The following STK32B variants were observed in gnomAD, a reference collection of about 807,000 sequenced individuals.
STK32B encodes serine/threonine-protein kinase 32B.
A neutral mutation model predicts 52.6 loss-of-function variants in STK32B; 43 were observed. That is an observed-to-expected ratio of 0.82 (90% CI 0.64 to 1.05). The LOEUF (loss-of-function observed/expected upper bound fraction) is 1.05. STK32B is among the 50% of genes least tolerant of loss of function. The pLI, the probability that STK32B is intolerant of heterozygous loss-of-function variation, is 0.00. For synonymous variants in STK32B, 238 were observed against 204.3 expected (o/e 1.17, Z -1.41); for missense variants, 621 against 534.6 (o/e 1.16, Z -1.59).
At chr4:5,452,563 AG>A (rs1168132825) in intron 7 of STK32B, among the ~76,000 whole-genome samples, 1 of 152,150 alleles carries the variant, frequency 6.6e-6, no homozygotes, top group East Asian at 1.9e-4. Context: ...TTCCAGGGGC[AG>A]GGAAAGTGTT....
chr4:5,398,350 T>G lies in STK32B; in HGVS notation c.472+106T>G. Reference sequence around the variant, plus strand: ...GGTCTTGCTGAGTTGGACATTAGCATTGGCTAGAAACCTTCTCTTGTTTCA... The same window carrying G: ...GGTCTTGCTGAGTTGGACATTAGCAGTGGCTAGAAACCTTCTCTTGTTTCA... On this transcript the variant is annotated intron_variant, in intron 5 of 11. Coordinates refer to ENST00000282908, the MANE Select transcript of STK32B (RefSeq NM_018401.3). This position sits in a 1 kb window ranked among gnomAD's most constrained non-coding sequence, Gnocchi z 4.9. 8.4e-7 allele frequency: 1 copy of G among 1,188,652 alleles called. No homozygotes were observed. Among genetic ancestry groups the G allele is most frequent in the Admixed American group, 1.9e-5 (1 of 51,788 alleles). The allele number at this position is 1,188,652 out of a possible 1,614,324, so 73.6% of individuals were successfully genotyped here. A position where few individuals can be genotyped will look rare whatever the true frequency, so the allele number is the denominator to read the frequency against.
At chr4:5,048,253 C>T (rs1741655163), upstream of STK32B, among the ~76,000 whole-genome samples, 1 of 151,574 alleles carries the variant, frequency 6.6e-6, no homozygotes, top group Admixed American at 6.6e-5. Flanking sequence ...CCTCAGCCTC[C>T]TGAGTAGCTG....
At chr4:5,241,840 C>G (rs1054767398) in intron 3 of STK32B, among the ~76,000 whole-genome samples, 2 of 152,072 alleles carry the variant, frequency 1.3e-5, no homozygotes, top group Non-Finnish European at 2.9e-5. Context: ...GGTTTTTTGT[C>G]CTCGCGATAG....
intron 7 of STK32B, among the ~76,000 whole-genome samples, chr4:5,449,652 G>T (rs1243082963): frequency 6.6e-6 from 1 of 152,144 alleles, no homozygotes; most frequent in Non-Finnish European, 1.5e-5. Context: ...TGGCAAGTGA[G>T]CCAGGGAAGC....
chr4:5,344,485 T>C (rs1490857848), intron 4 of STK32B, among the ~76,000 whole-genome samples: 1 of 152,176 alleles, frequency 6.6e-6, no homozygotes, highest in Non-Finnish European at 1.5e-5. Context: ...ACTCACTTCA[T>C]CAGACTCACA....
chr4:5,158,857 C>G (rs770275721), intron 2 of STK32B, among the ~76,000 whole-genome samples: 1 of 152,184 alleles, frequency 6.6e-6, no homozygotes, highest in East Asian at 1.9e-4. Context: ...TTAATTACCT[C>G]TTTAAAGCCT....
intron 4 of STK32B, among the ~76,000 whole-genome samples, chr4:5,357,018 T>TACACACACACACACAC (rs754199241): frequency 6.6e-6 from 1 of 150,376 alleles, no homozygotes; most frequent in East Asian, 1.9e-4. Context: ...TATATATATA[T>TACACACACACACACAC]ATATACACAC....
At chr4:5,436,695 T>C (rs1424332775) in intron 6 of STK32B, 7 of 982,314 alleles carry the variant, frequency 7.1e-6, no homozygotes, top group Non-Finnish European at 8.5e-6. Context: ...TCACGCAGAA[T>C]TGGCAGCTGA....
At chr4:5,251,797 G>T (rs1409632568) in intron 3 of STK32B, among the ~76,000 whole-genome samples, 2 of 152,072 alleles carry the variant, frequency 1.3e-5, no homozygotes, top group African/African-American at 4.8e-5. Flanking sequence ...CACCTCCCTG[G>T]TTAGCTGTGT....
At chr4:5,334,585 T>C (rs562721856) in intron 4 of STK32B, among the ~76,000 whole-genome samples, 21 of 152,254 alleles carry the variant, frequency 1.4e-4, no homozygotes, top group East Asian at 5.8e-4. Context: ...CCAGTTTTTG[T>C]CCATTCAGTA....
At chr4:5,232,124 C>G (rs1478573600) in intron 3 of STK32B, among the ~76,000 whole-genome samples, 1 of 152,116 alleles carries the variant, frequency 6.6e-6, no homozygotes, top group African/African-American at 2.4e-5. Flanking sequence ...CAGGTGTGCC[C>G]TGGACCTTTT....
chr4:5,318,588 G>T (rs1208050039), intron 3 of STK32B, among the ~76,000 whole-genome samples: 2 of 152,118 alleles, frequency 1.3e-5, no homozygotes, highest in Non-Finnish European at 1.5e-5. Context: ...CATCACTGCA[G>T]TGATTTAAAT....
intron 1 of STK32B, among the ~76,000 whole-genome samples, chr4:5,094,932 A>G (rs1428230824): frequency 6.6e-6 from 1 of 152,272 alleles, no homozygotes; most frequent in Non-Finnish European, 1.5e-5. Context: ...CCCAACCTGC[A>G]TTACTGCACA....
At chr4:5,069,975 C>T (rs1711650085) in intron 1 of STK32B, among the ~76,000 whole-genome samples, 2 of 152,176 alleles carry the variant, frequency 1.3e-5, no homozygotes, top group Admixed American at 1.3e-4. Flanking sequence ...CTTCATCATA[C>T]AGTGTGCAGC....
intron 1 of STK32B, among the ~76,000 whole-genome samples, chr4:5,087,759 T>C (rs1490888786): frequency 6.6e-6 from 1 of 151,728 alleles, no homozygotes; most frequent in African/African-American, 2.4e-5. Flanking sequence ...TAATTACAAA[T>C]ATTTATGGAT....
intron 4 of STK32B, among the ~76,000 whole-genome samples, chr4:5,382,915 C>T (rs887733881): frequency 6.6e-6 from 1 of 152,204 alleles, no homozygotes; most frequent in Non-Finnish European, 1.5e-5. Flanking sequence ...GTTAAGGTCC[C>T]TTCCAGTGTC....
At chr4:5,455,893 G>A (rs559139190) in intron 7 of STK32B, among the ~76,000 whole-genome samples, 19 of 152,294 alleles carry the variant, frequency 1.2e-4, no homozygotes, top group South Asian at 4.1e-4. Context: ...CGAATTCATC[G>A]CTCAGATTTC....
At chr4:5,051,306 T>C (rs1371356785), upstream of STK32B, 1 of 154,522 alleles carries the variant, frequency 6.5e-6, no homozygotes, top group African/African-American at 2.4e-5. Flanking sequence ...AGCCGAGGCC[T>C]GGCCATAGTG....
rs142949212 is a variant in STK32B at position 5,499,730 on chromosome 4, T to C, written c.*647T>C. 6.6e-6 allele frequency: 1 copy of C among 152,324 alleles called. No homozygotes were observed. The highest frequency in any genetic ancestry group is 1.5e-5 in the Non-Finnish European group (1 of 68,142). The allele number at this position is 152,324 out of a possible 1,614,324, so 9.4% of individuals were successfully genotyped here. A position where few individuals can be genotyped will look rare whatever the true frequency, so the allele number is the denominator to read the frequency against. The stretch of plus-strand genomic sequence containing the variant: ...CGCTGCGGTCTCACTCCTCCCCTCA[T>C]TTAAGAAGACTATCCTTACCTTTTA... On this transcript the variant is annotated 3_prime_UTR_variant, in exon 12 of 12. Transcript: ENST00000282908.
Sources: gnomAD v4.1 joint callset for allele counts (sites outside exome capture counted in the v4.1 genomes callset) on GRCh38, gnomAD v4.1.1 for gene constraint, Gnocchi (gnomAD v3.1) non-coding constraint, MANE v1.5 for transcripts, NCBI Gene and HGNC (gene_info 2026-07-23, HGNC 2026-07-21) for gene names.